The following RNF17 variants were observed in gnomAD, a reference collection of about 807,000 sequenced individuals.
RNF17 encodes ring finger protein 17.
In RNF17, 31 loss-of-function variants were observed where a neutral mutation model predicts 200.5. That is an observed-to-expected ratio of 0.15 (90% confidence interval 0.12 to 0.21). The LOEUF (loss-of-function observed/expected upper bound fraction) is 0.21. Among genes scored for constraint, RNF17 ranks in the 10% least tolerant of loss-of-function variants. The pLI is 1.00. For synonymous variants in RNF17, 606 were observed against 637.8 expected, an observed-to-expected ratio of 0.95 and a Z score of 0.75; for missense variants, 1,628 against 1,905.1, an observed-to-expected ratio of 0.85 and a Z score of 2.71.
upstream of RNF17, among the ~76,000 whole-genome samples, chr13:24,761,600 A>G (rs1023754041): frequency 6.6e-6 from 1 of 152,226 alleles, no homozygotes; most frequent in Admixed American, 6.5e-5. Flanking sequence ...TTAGAGCACT[A>G]GAAAGGCACT....
At chr13:24,855,819 C>A (rs1892417514) in intron 25 of RNF17, among the ~76,000 whole-genome samples, 1 of 152,140 alleles carries the variant, frequency 6.6e-6, no homozygotes, top group African/African-American at 2.4e-5. Flanking sequence ...CTCACTATGG[C>A]TTTAGTTAGC....
the RNF17 span, among the ~76,000 whole-genome samples, chr13:24,754,935 C>G: frequency 2.0e-5 from 3 of 149,208 alleles, no homozygotes; most frequent in Non-Finnish European, 3.0e-5. Context: ...AATCTTTTTT[C>G]CCATATATAA....
chr13:24,841,217 TAA>T (rs1056699063), intron 18 of RNF17, among the ~76,000 whole-genome samples: 3 of 152,190 alleles, frequency 2.0e-5, no homozygotes, highest in African/African-American at 7.2e-5. Context: ...TAAACAGAAT[TAA>T]AAGTTAGATG....
intron 15 of RNF17, among the ~76,000 whole-genome samples, chr13:24,816,123 C>T (rs915538928): frequency 2.6e-5 from 4 of 152,146 alleles, no homozygotes; most frequent in African/African-American, 9.7e-5. Flanking sequence ...TGGTCTCAAA[C>T]TCCTGAGCTG....
chr13:24,784,653 A>G (rs1882857204), intron 6 of RNF17, among the ~76,000 whole-genome samples: 2 of 152,016 alleles, frequency 1.3e-5, no homozygotes, highest in African/African-American at 2.4e-5. Flanking sequence ...AATCCTTTTT[A>G]TTTGTGTAAA....
chr13:24,760,893 G>C (rs183894555), upstream of RNF17, among the ~76,000 whole-genome samples: 1 of 152,066 alleles, frequency 6.6e-6, no homozygotes, highest in African/African-American at 2.4e-5. Flanking sequence ...TAATCATCAG[G>C]GAAATGCAAA....
At chr13:24,755,065 C>A in the RNF17 span, among the ~76,000 whole-genome samples, 1 of 152,012 alleles carries the variant, frequency 6.6e-6, no homozygotes. Context: ...TATATAATAT[C>A]TATATTTGTC....
chr13:24,880,730 ATTTGC>A (rs1287428601), downstream of RNF17, among the ~76,000 whole-genome samples: 1 of 152,112 alleles, frequency 6.6e-6, no homozygotes, highest in Non-Finnish European at 1.5e-5. Flanking sequence ...TAGTGATGGA[ATTTGC>A]TGGGCCATGG....
upstream of RNF17, chr13:24,764,157 C>T (rs200463425): frequency 1.9e-4 from 284 of 1,532,846 alleles, no homozygotes; most frequent in Middle Eastern, 7.1e-4. Flanking sequence ...GCCGCGAGGG[C>T]CGCCGGGACT....
chr13:24,823,218 C>A (rs761875289), intron 15 of RNF17, among the ~76,000 whole-genome samples: 12 of 152,188 alleles, frequency 7.9e-5, no homozygotes, highest in Admixed American at 3.9e-4. Context: ...GGATTACAGG[C>A]GCCTGCCACC....
At chr13:24,811,813 G>A (rs1483490024) in intron 15 of RNF17, among the ~76,000 whole-genome samples, 6 of 152,180 alleles carry the variant, frequency 3.9e-5, no homozygotes, top group Admixed American at 1.3e-4. Context: ...TGTACAGATG[G>A]GTTTTTGGTG....
chr13:24,880,974 A>G (rs988751667), downstream of RNF17, among the ~76,000 whole-genome samples: 1 of 151,952 alleles, frequency 6.6e-6, no homozygotes, highest in Non-Finnish European at 1.5e-5. Context: ...TCACTTGTTT[A>G]TTGCTTGTTC....
intron 11 of RNF17, among the ~76,000 whole-genome samples, chr13:24,797,600 C>T (rs1884718908): frequency 6.6e-6 from 1 of 151,888 alleles, no homozygotes. Flanking sequence ...TTTTCAGGTA[C>T]TCTGGTTTCC....
chr13:24,885,335 A>AT, the RNF17 span: 3 of 1,613,932 alleles, frequency 1.9e-6, no homozygotes, highest in Admixed American at 5.0e-5. Context: ...TCCTCTTTAT[A>AT]TTCAGGATCT....
intron 33 of RNF17, among the ~76,000 whole-genome samples, chr13:24,876,474 T>G (rs1038487457): frequency 3.3e-5 from 5 of 152,254 alleles, no homozygotes; most frequent in Non-Finnish European, 4.4e-5. Context: ...TCATATGGTC[T>G]ATGCTTAATT....
At chr13:24,858,445 G>A (rs1237102680) in intron 25 of RNF17, among the ~76,000 whole-genome samples, 1 of 151,990 alleles carries the variant, frequency 6.6e-6, no homozygotes, top group African/African-American at 2.4e-5. Context: ...CCCAGAATAG[G>A]TGGTGGTATT....
intron 15 of RNF17, among the ~76,000 whole-genome samples, chr13:24,812,676 CCCA>C (rs1372502184): frequency 1.1e-4 from 4 of 36,632 alleles, no homozygotes; most frequent in African/African-American, 3.6e-4. Context: ...CCCTCCCCGC[CCCA>C]CCCCCTTTTT....
intron 15 of RNF17, among the ~76,000 whole-genome samples, chr13:24,819,244 T>A (rs1887760113): frequency 1.3e-5 from 2 of 152,184 alleles, no homozygotes; most frequent in African/African-American, 4.8e-5. Flanking sequence ...TTATGAATTT[T>A]ACTATGTTAG....
chr13:24,824,283 A>G (rs1356390927), intron 15 of RNF17: 2 of 689,772 alleles, frequency 2.9e-6, no homozygotes, highest in Non-Finnish European at 5.3e-6. Flanking sequence ...TTCCTAATCT[A>G]TTTTGTTGGC....
Sources: gnomAD v4.1 joint callset for allele counts (sites outside exome capture counted in the v4.1 genomes callset) on GRCh38, gnomAD v4.1.1 for gene constraint, MANE v1.5 for transcripts, NCBI Gene and HGNC (gene_info 2026-07-23, HGNC 2026-07-21) for gene names.